Variants in LUZP2 observed in about 807,000 individuals in gnomAD.
The protein encoded by LUZP2 is leucine zipper protein 2.
A neutral mutation model predicts 51.6 loss-of-function variants in LUZP2; 52 were observed. That is an observed-to-expected ratio of 1.01 (90% confidence interval 0.81 to 1.27). The LOEUF (loss-of-function observed/expected upper bound fraction) is 1.27. LUZP2 is among the 50% of genes most tolerant of loss of function. The pLI, the probability that LUZP2 is intolerant of heterozygous loss-of-function variation, is 0.00. For synonymous variants in LUZP2, 154 were observed against 137.3 expected (o/e 1.12, Z -0.85); for missense variants, 436 against 395.4 (o/e 1.10, Z -0.87).
In LUZP2 at chr11:25,078,570, C is replaced by T; in HGVS notation, c.953C>T (p.Pro318Leu). 6.2e-7 allele frequency: 1 copy of T among 1,612,250 alleles called. No individual in the cohort carries two copies. Among genetic ancestry groups the T allele is most frequent in the Non-Finnish European group, 8.5e-7 (1 of 1,179,446 alleles). ...GTTTAACAGAAATTGCAAATGCCTC[C>T]TTGCTCTGAATGTGAGGTGAAAAAA... ...EPIPQKLQMP[P>L]CSECEVKKAP... The change falls in exon 12 of 12, where the codon CCT becomes CTT. Residue 318 changes from proline to leucine, a missense_variant. Physicochemically the swap from Pro to Leu is moderately conservative, Grantham distance 98 (BLOSUM62 -3). Coordinates refer to ENST00000336930, the MANE Select transcript of LUZP2 (RefSeq NM_001009909.4).
chr11:24,709,056 A>C (rs550608261), intron 1 of LUZP2, among the ~76,000 whole-genome samples: 21 of 152,300 alleles, frequency 1.4e-4, no homozygotes, highest in African/African-American at 4.1e-4. Context: ...AGAAAGAGTT[A>C]AGCAAAGAAG....
chr11:24,809,742 T>C (rs1429101503), intron 5 of LUZP2, among the ~76,000 whole-genome samples: 1 of 151,928 alleles, frequency 6.6e-6, no homozygotes, highest in African/African-American at 2.4e-5. Flanking sequence ...TTTTTCCTTA[T>C]GCATTTGTGT....
At chr11:24,604,368 C>T (rs1360971929) in intron 1 of LUZP2, among the ~76,000 whole-genome samples, 1 of 151,756 alleles carries the variant, frequency 6.6e-6, no homozygotes, top group Non-Finnish European at 1.5e-5. Context: ...GCTAATAATA[C>T]AAGGTTAAGC....
chr11:24,616,648 G>T (rs1426295026), intron 1 of LUZP2, among the ~76,000 whole-genome samples: 4 of 152,044 alleles, frequency 2.6e-5, no homozygotes, highest in African/African-American at 9.7e-5. Context: ...TGTCAGTGGT[G>T]TTGCACAGAT....
chr11:24,890,269 T>C (rs920479398), intron 5 of LUZP2, among the ~76,000 whole-genome samples: 3 of 152,166 alleles, frequency 2.0e-5, no homozygotes, highest in African/African-American at 7.2e-5. Flanking sequence ...ACCAATTATA[T>C]GTAGTTATCA....
intron 9 of LUZP2, among the ~76,000 whole-genome samples, chr11:25,009,332 A>T (rs1856919868): frequency 6.6e-6 from 1 of 152,210 alleles, no homozygotes; most frequent in South Asian, 2.1e-4. Flanking sequence ...CTCTAAAATT[A>T]AATTATAGTT....
chr11:25,012,177 C>T (rs1377749438), intron 9 of LUZP2, among the ~76,000 whole-genome samples: 1 of 152,194 alleles, frequency 6.6e-6, no homozygotes, highest in Non-Finnish European at 1.5e-5. Flanking sequence ...CACTGAGTGA[C>T]ACTTTCCCAG....
chr11:24,514,658 T>G (rs183818039), intron 1 of LUZP2, among the ~76,000 whole-genome samples: 26 of 144,930 alleles, frequency 1.8e-4, no homozygotes, highest in African/African-American at 6.6e-4. Flanking sequence ...ATAATTTTCT[T>G]AATTTATTAG....
At position 24,957,397 on chromosome 11, in the gene LUZP2, G is replaced by T. The variant is rs1194120317; in HGVS notation, c.523-19194G>T. Among the ~76,000 whole-genome samples the T allele has an allele frequency of 2.6e-5, 4 of 151,804 alleles. No homozygotes were observed. In the East Asian group the frequency reaches 5.8e-4, roughly 22 times the overall value. ...ACTTGAAATTACTCTTAGCAAATTT[G>T]ATATGTATCATAATATTTACTATAT... On this transcript the variant is annotated intron_variant, in intron 7 of 11. Coordinates refer to ENST00000336930, the MANE Select transcript of LUZP2 (RefSeq NM_001009909.4).
intron 1 of LUZP2, among the ~76,000 whole-genome samples, chr11:24,647,212 C>T (rs184410595): frequency 2.6e-5 from 4 of 152,112 alleles, no homozygotes; most frequent in African/African-American, 4.8e-5. Flanking sequence ...CATCTTCTTA[C>T]ATTATTCAAT....
intron 5 of LUZP2, among the ~76,000 whole-genome samples, chr11:24,836,843 C>G (rs893137505): frequency 6.6e-6 from 1 of 151,696 alleles, no homozygotes; most frequent in Non-Finnish European, 1.5e-5. Flanking sequence ...TGAATAAAGT[C>G]CAAGTTTAGC....
intron 9 of LUZP2, among the ~76,000 whole-genome samples, chr11:25,028,282 T>A (rs76794772): frequency 0.019 from 2,926 of 152,324 alleles, 46 homozygotes; most frequent in Non-Finnish European, 0.033. Flanking sequence ...CACCCTGTTG[T>A]GCTATCAAAT....
chr11:24,641,892 A>G (rs375779708), intron 1 of LUZP2, among the ~76,000 whole-genome samples: 1 of 151,846 alleles, frequency 6.6e-6, no homozygotes, highest in African/African-American at 2.4e-5. Flanking sequence ...ATCAAATAGA[A>G]GTTTATTATT....
intron 1 of LUZP2, among the ~76,000 whole-genome samples, chr11:24,723,702 G>A (rs1390188830): frequency 2.0e-5 from 3 of 152,076 alleles, no homozygotes; most frequent in Non-Finnish European, 2.9e-5. Flanking sequence ...ATGGTGATGT[G>A]TGCCTATAGT....
intron 10 of LUZP2, 74 bp from the exon 11 acceptor site, chr11:25,077,255 A>C: frequency 9.3e-7 from 1 of 1,077,858 alleles, no homozygotes; most frequent in Admixed American, 1.7e-5. Context: ...AGAATTCAAG[A>C]GAGTGTTTTT....
Position 24,707,301 on chromosome 11 carries a change from T to TGTGTGC in LUZP2, c.63-21862_63-21857dup, listed in dbSNP as rs1218126964. ...ATCTCTCTCTCTCTCTCTCATTCTG[T>TGTGTGC]GTGTGCGTGTGTGTGTGTGTGTGTG... On this transcript the variant is annotated intron_variant, in intron 1 of 11. Coordinates refer to ENST00000336930, the MANE Select transcript of LUZP2 (RefSeq NM_001009909.4). Among the ~76,000 whole-genome samples the TGTGTGC allele has an allele frequency of 4.0e-5, 6 of 149,184 alleles. No homozygotes were observed. The East Asian group carries it at 1.2e-3, about 29-fold the overall frequency.
At chr11:24,727,667 T>G (rs1419393570) in intron 1 of LUZP2, among the ~76,000 whole-genome samples, 2 of 152,010 alleles carry the variant, frequency 1.3e-5, no homozygotes, top group Non-Finnish European at 2.9e-5. Context: ...TTATTTAACT[T>G]TGCCAGTGAG....
intron 1 of LUZP2, among the ~76,000 whole-genome samples, chr11:24,517,363 G>T (rs1252487244): frequency 6.6e-6 from 1 of 151,390 alleles, no homozygotes; most frequent in Admixed American, 6.6e-5. Context: ...GCGGGTTCCT[G>T]TAGTCCCAGC....
intron 1 of LUZP2, among the ~76,000 whole-genome samples, chr11:24,692,233 C>T (rs1018618700): frequency 2.0e-5 from 3 of 151,842 alleles, no homozygotes; most frequent in African/African-American, 7.2e-5. Context: ...ATTGTTGTTA[C>T]AGAGCTTCAC....
Sources: allele counts gnomAD v4.1 joint callset (sites outside exome capture counted in the v4.1 genomes callset), GRCh38; gene constraint gnomAD v4.1.1; transcripts MANE v1.5; gene names NCBI Gene and HGNC (gene_info 2026-07-23, HGNC 2026-07-21).